Variants in ATP13A4 observed in about 807,000 individuals in gnomAD.
The protein encoded by ATP13A4 is probable cation-transporting ATPase 13A4.
A neutral mutation model predicts 142.5 loss-of-function variants in ATP13A4; 114 were observed. The observed-to-expected ratio is 0.80, with a 90% CI of 0.69 to 0.93. The LOEUF is 0.93. ATP13A4 is among the 40% of genes least tolerant of loss of function. The pLI is 0.00. For missense variants in ATP13A4, 1,392 were observed against 1,454.0 expected (o/e 0.96, Z 0.69); for synonymous variants, 488 against 514.8 (o/e 0.95, Z 0.70).
chr3:193,503,184 A>T (rs529381446), intron 2 of ATP13A4, among the ~76,000 whole-genome samples: 4 of 152,322 alleles, frequency 2.6e-5, no homozygotes, highest in African/African-American at 7.2e-5. Context: ...CATGTGGAGC[A>T]CTGAGACCTG....
exon 1 of ATP13A4, chr3:193,593,102 C>T (rs1035848869): frequency 1.2e-5 from 5 of 420,814 alleles, no homozygotes; most frequent in Non-Finnish European, 2.1e-5. Flanking sequence ...CAGTCCGTTC[C>T]CGACGCACTG....
intron 24 of ATP13A4, 149 bp from the exon 25 acceptor site, chr3:193,434,066 G>T: frequency 1.4e-6 from 1 of 719,808 alleles, no homozygotes; most frequent in Non-Finnish European, 2.4e-6. Context: ...GAGTTGGTGA[G>T]TGATGGTGTT....
At chr3:193,540,836 C>T (rs1722855880) in intron 1 of ATP13A4, among the ~76,000 whole-genome samples, 1 of 152,110 alleles carries the variant, frequency 6.6e-6, no homozygotes, top group Admixed American at 6.5e-5. Flanking sequence ...AAAGTAAATA[C>T]ATCAAGCAAA....
At position 193,465,127 on chromosome 3, in the gene ATP13A4, T is replaced by A; in HGVS notation, c.1274A>T (p.Glu425Val). 1 of 1,613,632 alleles carries A rather than the reference T, an allele frequency of 6.2e-7. No homozygotes were observed. The highest frequency in any genetic ancestry group is 8.5e-7 in the Non-Finnish European group (1 of 1,179,806). The part of the protein sequence containing the change: ...YTLCVYVLSG[E>V]PPEEVVRKAL... Reference sequence around the variant, plus strand: ...TTTCCTCACCACCTCCTCTGGAGGTTCCTGGACGACAGTCATTCTTTAATT... The same window carrying A: ...TTTCCTCACCACCTCCTCTGGAGGTACCTGGACGACAGTCATTCTTTAATT... Residue 425 changes from glutamate (E) to valine (V), a missense_variant and splice_region_variant, in exon 12 of 30, where the codon GAA becomes GTA. By Grantham distance (121) the Glu-to-Val change is moderately radical (BLOSUM62 -2). Transcript: ENST00000342695.
chr3:193,523,572 T>C (rs1008706969), intron 1 of ATP13A4, among the ~76,000 whole-genome samples: 17 of 152,146 alleles, frequency 1.1e-4, no homozygotes, highest in Admixed American at 1.1e-3. Flanking sequence ...AGCTTCAGAG[T>C]TGACAAACAC....
At chr3:193,487,718 T>C (rs1243847663) in intron 7 of ATP13A4, among the ~76,000 whole-genome samples, 1 of 152,192 alleles carries the variant, frequency 6.6e-6, no homozygotes, top group Non-Finnish European at 1.5e-5. Flanking sequence ...TCTATATCAA[T>C]ACAGATATTT....
chr3:193,575,686 C>A (rs1167746842), intron 2 of ATP13A4, among the ~76,000 whole-genome samples: 2 of 152,196 alleles, frequency 1.3e-5, no homozygotes, highest in Admixed American at 6.5e-5. Flanking sequence ...TTAATTACTA[C>A]AATACCTGAA....
At chr3:193,590,030 T>G (rs1448985309) in intron 1 of ATP13A4, among the ~76,000 whole-genome samples, 1 of 151,168 alleles carries the variant, frequency 6.6e-6, no homozygotes, top group East Asian at 2.0e-4. Flanking sequence ...CTTCATTTTC[T>G]CTCACTTTTC....
intron 1 of ATP13A4, among the ~76,000 whole-genome samples, chr3:193,582,622 G>A (rs1427392965): frequency 1.2e-5 from 1 of 83,550 alleles, no homozygotes; most frequent in African/African-American, 6.2e-5. Context: ...TATTATATAT[G>A]TATATTACAT....
intron 2 of ATP13A4, 142 bp downstream of exon 2, chr3:193,514,556 A>G (rs1721305020): frequency 9.3e-7 from 1 of 1,071,840 alleles, no homozygotes; most frequent in Non-Finnish European, 1.4e-6. Context: ...GCTAGATGCA[A>G]GGCTGTGATG....
At chr3:193,406,150 G>T (rs987658892) in intron 29 of ATP13A4, among the ~76,000 whole-genome samples, 11 of 152,164 alleles carry the variant, frequency 7.2e-5, no homozygotes, top group Non-Finnish European at 1.3e-4. Context: ...GCTGGGCAAC[G>T]TGTGTTTTAA....
At chr3:193,587,608 AT>A (rs1724693863) in intron 1 of ATP13A4, among the ~76,000 whole-genome samples, 2 of 152,122 alleles carry the variant, frequency 1.3e-5, no homozygotes, top group Non-Finnish European at 2.9e-5. Context: ...TAGAAACACA[AT>A]TTGCTTACAT....
intron 25 of ATP13A4, among the ~76,000 whole-genome samples, chr3:193,426,911 A>G (rs1358470107): frequency 6.6e-6 from 1 of 152,040 alleles, no homozygotes; most frequent in African/African-American, 2.4e-5. Context: ...CTTAGGGAGA[A>G]ATATTCATAA....
chr3:193,525,499 T>C (rs564929788), intron 1 of ATP13A4, among the ~76,000 whole-genome samples: 1 of 152,324 alleles, frequency 6.6e-6, no homozygotes, highest in South Asian at 2.1e-4. Context: ...AAATCTATTA[T>C]GAACTAAGAG....
intron 9 of ATP13A4, among the ~76,000 whole-genome samples, chr3:193,470,603 T>C (rs972954024): frequency 2.0e-5 from 3 of 152,222 alleles, no homozygotes; most frequent in East Asian, 1.9e-4. Context: ...TAATCTTTTG[T>C]TCAAGAAAGA....
At chr3:193,469,471 C>A (rs1012948554) in intron 9 of ATP13A4, among the ~76,000 whole-genome samples, 18 of 152,174 alleles carry the variant, frequency 1.2e-4, no homozygotes, top group Middle Eastern at 3.4e-3. Context: ...ACTAAAAATA[C>A]AAAAATTAGC....
chr3:193,571,789 G>A (rs754610176), intron 2 of ATP13A4, among the ~76,000 whole-genome samples: 12 of 152,072 alleles, frequency 7.9e-5, no homozygotes, highest in Non-Finnish European at 1.5e-4. Context: ...GAGACATAAC[G>A]CATCAATCTA....
At chr3:193,445,231 A>T (rs1202838121) in intron 18 of ATP13A4, among the ~76,000 whole-genome samples, 3 of 152,128 alleles carry the variant, frequency 2.0e-5, no homozygotes, top group African/African-American at 7.2e-5. Flanking sequence ...AGGTCAAGAG[A>T]TCAAGACAAT....
chr3:193,586,710 C>A (rs1306676143), intron 1 of ATP13A4, among the ~76,000 whole-genome samples: 1 of 152,208 alleles, frequency 6.6e-6, no homozygotes, highest in African/African-American at 2.4e-5. Flanking sequence ...TATTCTGGTC[C>A]ATTTATCTAT....
Sources: allele counts gnomAD v4.1 joint callset (sites outside exome capture counted in the v4.1 genomes callset), GRCh38; gene constraint gnomAD v4.1.1; transcripts MANE v1.5; gene names NCBI Gene and HGNC (gene_info 2026-07-23, HGNC 2026-07-21).